GLIS3: variants seen among roughly 807,000 people sequenced by gnomAD.
GLIS3 encodes zinc finger protein GLIS3.
A neutral mutation model predicts 78.6 loss-of-function variants in GLIS3; 53 were observed. The observed-to-expected ratio is 0.67, with a 90% CI of 0.54 to 0.85. GLIS3 has a LOEUF of 0.85. GLIS3 is among the 40% of genes least tolerant of loss of function. GLIS3 has a pLI of 0.00. For missense variants in GLIS3, 1,703 were observed against 1,231.1 expected (o/e 1.38, Z -5.74); for synonymous variants, 684 against 509.9 (o/e 1.34, Z -4.60).
intron 4 of GLIS3, among the ~76,000 whole-genome samples, chr9:4,023,239 T>G (rs1377737751): frequency 6.6e-6 from 1 of 152,200 alleles, no homozygotes; most frequent in African/African-American, 2.4e-5. Context: ...CTGTTTTAGA[T>G]TCTAAGTTCC....
intron 2 of GLIS3, among the ~76,000 whole-genome samples, chr9:4,321,912 G>A (rs1326886899): frequency 1.3e-5 from 2 of 152,018 alleles, no homozygotes; most frequent in Admixed American, 1.3e-4. Flanking sequence ...AATTTCTGGG[G>A]TACACGTGCA....
chr9:4,157,644 T>C (rs986291044), intron 2 of GLIS3, among the ~76,000 whole-genome samples: 1 of 152,228 alleles, frequency 6.6e-6, no homozygotes, highest in African/African-American at 2.4e-5. Context: ...AGTGCTTGAC[T>C]TAAATATTCA....
At chr9:4,307,716 A>G (rs553561284) in intron 4 of GLIS3, among the ~76,000 whole-genome samples, 1 of 152,266 alleles carries the variant, frequency 6.6e-6, no homozygotes, top group East Asian at 1.9e-4. Flanking sequence ...TGTGATAGGG[A>G]AGCAGAAGCA....
intron 2 of GLIS3, among the ~76,000 whole-genome samples, chr9:4,196,199 A>G (rs543651133): frequency 1.3e-5 from 2 of 152,268 alleles, no homozygotes; most frequent in East Asian, 3.9e-4. Context: ...AGAGGATTGT[A>G]TATGCACCAA....
chr9:4,237,479 C>T (rs755976416), intron 2 of GLIS3, among the ~76,000 whole-genome samples: 11 of 152,272 alleles, frequency 7.2e-5, no homozygotes, highest in Admixed American at 2.6e-4. Context: ...TAGATGAAAT[C>T]GCTACTTCAG....
chr9:4,416,991 G>C, the GLIS3 span, among the ~76,000 whole-genome samples: 1 of 151,944 alleles, frequency 6.6e-6, no homozygotes, highest in Non-Finnish European at 1.5e-5. Flanking sequence ...TTATCTGCCA[G>C]TGTTATCTCT....
the GLIS3 span, among the ~76,000 whole-genome samples, chr9:4,461,359 CA>C: frequency 7.6e-6 from 1 of 131,928 alleles, no homozygotes; most frequent in Non-Finnish European, 1.7e-5. Context: ...TTCAATTATG[CA>C]CTTAAAGAAC....
At chr9:4,412,185 G>T in the GLIS3 span, among the ~76,000 whole-genome samples, 1 of 152,204 alleles carries the variant, frequency 6.6e-6, no homozygotes, top group African/African-American at 2.4e-5. Flanking sequence ...ATACCTTCAG[G>T]CCTAGCAAGG....
At chr9:4,271,409 A>C (rs1826498028) in intron 2 of GLIS3, among the ~76,000 whole-genome samples, 1 of 152,180 alleles carries the variant, frequency 6.6e-6, no homozygotes, top group Non-Finnish European at 1.5e-5. Context: ...ATATTGTTCA[A>C]AGGTCAATGG....
At chr9:4,255,733 C>A (rs140962157) in intron 2 of GLIS3, among the ~76,000 whole-genome samples, 23 of 152,088 alleles carry the variant, frequency 1.5e-4, no homozygotes, top group African/African-American at 5.3e-4. Context: ...ATAGGCAGGG[C>A]ACAGAGGATT....
At chr9:3,995,439 C>A (rs979126592) in intron 4 of GLIS3, among the ~76,000 whole-genome samples, 2 of 151,660 alleles carry the variant, frequency 1.3e-5, no homozygotes, top group African/African-American at 4.8e-5. Context: ...AAACTACTAC[C>A]GTGAATAATA....
At chr9:4,194,182 T>G (rs1818588169) in intron 2 of GLIS3, among the ~76,000 whole-genome samples, 1 of 152,132 alleles carries the variant, frequency 6.6e-6, no homozygotes, top group African/African-American at 2.4e-5. Flanking sequence ...CTCAGCCTCC[T>G]GAGTAGCTGG....
intron 4 of GLIS3, among the ~76,000 whole-genome samples, chr9:4,008,358 T>C (rs922370073): frequency 2.0e-5 from 3 of 152,156 alleles, no homozygotes; most frequent in Admixed American, 1.3e-4. Flanking sequence ...GTAAGAACAC[T>C]GGTCCCAGAG....
At chr9:4,372,716 G>A in the GLIS3 span, among the ~76,000 whole-genome samples, 1 of 152,170 alleles carries the variant, frequency 6.6e-6, no homozygotes, top group African/African-American at 2.4e-5. Flanking sequence ...TTAAATACAT[G>A]ATTTTCCTAA....
At chr9:4,172,574 C>T (rs1816463315) in intron 2 of GLIS3, among the ~76,000 whole-genome samples, 1 of 151,916 alleles carries the variant, frequency 6.6e-6, no homozygotes, top group African/African-American at 2.4e-5. Context: ...GTTTTGGTAG[C>T]AAGCATGATA....
chr9:4,088,830 T>C (rs1829257426), intron 4 of GLIS3, among the ~76,000 whole-genome samples: 1 of 152,224 alleles, frequency 6.6e-6, no homozygotes, highest in Non-Finnish European at 1.5e-5. Context: ...CCAAAATGGA[T>C]ATTTCTTTTC....
chr9:4,469,558 G>A, the GLIS3 span, among the ~76,000 whole-genome samples: 24 of 152,232 alleles, frequency 1.6e-4, 1 homozygote, highest in South Asian at 3.7e-3. Context: ...ACGAAATGAA[G>A]GCAGAAATAA....
At chr9:4,051,224 A>G (rs1825725702) in intron 4 of GLIS3, among the ~76,000 whole-genome samples, 1 of 152,218 alleles carries the variant, frequency 6.6e-6, no homozygotes, top group East Asian at 1.9e-4. Flanking sequence ...AAATTCAAAC[A>G]TGGCTTAACA....
At chr9:3,885,379 G>A (rs1464437879) in intron 7 of GLIS3, among the ~76,000 whole-genome samples, 1 of 152,198 alleles carries the variant, frequency 6.6e-6, no homozygotes, top group Non-Finnish European at 1.5e-5. Context: ...GTAAATCTGC[G>A]TTGGAGTCAT....
Sources: allele counts gnomAD v4.1 joint callset (sites outside exome capture counted in the v4.1 genomes callset), GRCh38; gene constraint gnomAD v4.1.1; transcripts MANE v1.5; gene names NCBI Gene and HGNC (gene_info 2026-07-23, HGNC 2026-07-21).